TTC27: variants seen among roughly 807,000 people sequenced by gnomAD.
TTC27 encodes the protein tetratricopeptide repeat domain 27.
TTC27 carries 79 observed loss-of-function variants against 115.9 expected under a neutral mutation model. The observed-to-expected ratio is 0.68, with a 90% CI of 0.57 to 0.82. TTC27 has a LOEUF of 0.82. TTC27 is among the 40% of genes least tolerant of loss of function. The pLI is 0.00. For synonymous variants in TTC27, 401 were observed against 356.0 expected (o/e 1.13, Z -1.42); for missense variants, 1,054 against 993.1 (o/e 1.06, Z -0.82).
At chr2:32,704,679 C>T (rs2151902185) in intron 10 of TTC27, among the ~76,000 whole-genome samples, 1 of 152,192 alleles carries the variant, frequency 6.6e-6, no homozygotes, top group East Asian at 1.9e-4. Flanking sequence ...TCCTTTATTC[C>T]AGAACAATTC....
chr2:32,767,260 T>TCCG (rs1221464180), intron 13 of TTC27, among the ~76,000 whole-genome samples: 1 of 152,164 alleles, frequency 6.6e-6, no homozygotes, highest in Non-Finnish European at 1.5e-5. Flanking sequence ...TGAATAAATT[T>TCCG]ATATCCTTTA....
intron 4 of TTC27, among the ~76,000 whole-genome samples, chr2:32,648,457 TA>T (rs1320414405): frequency 4.2e-4 from 34 of 81,572 alleles, no homozygotes; most frequent in Middle Eastern, 0.013. Context: ...TTTTTTTTTT[TA>T]AAACAGACTT....
At chr2:32,697,755 G>T (rs1408109363) in intron 9 of TTC27, among the ~76,000 whole-genome samples, 2 of 150,090 alleles carry the variant, frequency 1.3e-5, no homozygotes, top group East Asian at 1.9e-4. Context: ...AGGAAAGAAA[G>T]AATTTTTTTT....
intron 12 of TTC27, among the ~76,000 whole-genome samples, chr2:32,750,813 A>G (rs919865859): frequency 7.2e-5 from 11 of 152,230 alleles, no homozygotes; most frequent in Admixed American, 2.0e-4. Flanking sequence ...TAAATTCAAC[A>G]TTTCCCTAAT....
intron 5 of TTC27, among the ~76,000 whole-genome samples, 196 bp downstream of exon 5, chr2:32,650,429 T>G (rs1350729283): frequency 6.6e-6 from 1 of 151,236 alleles, no homozygotes; most frequent in African/African-American, 2.4e-5. Context: ...CCTTTTAGTC[T>G]TTTTAGTTTA....
At chr2:32,812,990 G>A (rs997095566) in intron 18 of TTC27, among the ~76,000 whole-genome samples, 1 of 151,784 alleles carries the variant, frequency 6.6e-6, no homozygotes, top group Non-Finnish European at 1.5e-5. Context: ...AGATCTCTGG[G>A]GTACATAGCA....
chr2:32,635,190 T>C (rs936225148), intron 3 of TTC27: 1 of 152,224 alleles, frequency 6.6e-6, no homozygotes, highest in African/African-American at 2.4e-5. Context: ...CTGGCTAGTA[T>C]GAGATGATCT....
At chr2:32,736,668 T>A (rs761297170) in intron 11 of TTC27, 26 bp from the exon 12 acceptor site, 2 of 1,613,254 alleles carry the variant, frequency 1.2e-6, no homozygotes, top group African/African-American at 2.7e-5. Context: ...CAAGAAGTAT[T>A]AATTATTTTT....
chr2:32,799,514 G>C (rs936446307), intron 16 of TTC27, among the ~76,000 whole-genome samples: 6 of 152,128 alleles, frequency 3.9e-5, no homozygotes, highest in African/African-American at 1.2e-4. Flanking sequence ...CTAAATCTAT[G>C]CTAAATATTT....
rs760657207 is a variant in TTC27 at position 32,678,843 on chromosome 2, T to C, written c.1053-13T>C. On this transcript the variant is annotated splice_polypyrimidine_tract_variant and intron_variant, in intron 8 of 19. Transcript: ENST00000317907. ...ATCTTATAATTAATTTACCTTTTTTTCTTAATTTAAAGCACTAATTTTCAA... is the reference window on the plus strand; with the variant it reads ...ATCTTATAATTAATTTACCTTTTTTCCTTAATTTAAAGCACTAATTTTCAA... The C allele has an allele frequency of 6.3e-7, 1 of 1,593,520 alleles. No homozygotes were observed. The highest frequency in any genetic ancestry group is 2.2e-5 in the East Asian group (1 of 44,720).
In TTC27 at chr2:32,650,230, C is replaced by A; in HGVS notation, c.637C>A (p.Gln213Lys). Reference sequence around the variant, plus strand: ...TACTCTTGCCGAAAACTGTATTGATCAAGGTATGTAGCAGATTTTTGTTTG... The same window carrying A: ...TACTCTTGCCGAAAACTGTATTGATAAAGGTATGTAGCAGATTTTTGTTTG... ...LFTLAENCID[Q>K]VMKLQNLFVD... is the part of the protein sequence containing the mutation. Residue 213 changes from glutamine (Q) to lysine (K), a missense_variant, in exon 5 of 20, where the codon CAA becomes AAA. Transcript: ENST00000317907. 2 of 1,612,918 alleles carry A rather than the reference C, an allele frequency of 1.2e-6. No homozygotes were observed. Among genetic ancestry groups the A allele is most frequent in the Non-Finnish European group, 1.7e-6 (2 of 1,179,342 alleles).
chr2:32,711,619 G>A lies in TTC27; in HGVS notation c.1233+8699G>A, dbSNP rs142211732. ...AAAATCTGTTCCCTTCCACAGCAGTGTAAAGTGATAAAATGGTAAACTTAA... is the reference window on the plus strand; with the variant it reads ...AAAATCTGTTCCCTTCCACAGCAGTATAAAGTGATAAAATGGTAAACTTAA... On this transcript the variant is annotated intron_variant, in intron 10 of 19. Coordinates refer to ENST00000317907, the MANE Select transcript of TTC27 (RefSeq NM_017735.5). 6.4e-4 allele frequency among the ~76,000 whole-genome samples: 97 copies of A among 152,266 alleles called. 2 individuals are homozygous for A. The East Asian group carries it at 0.016, about 25-fold the overall frequency.
rs1037601736 is a variant in TTC27 at position 32,664,045 on chromosome 2, A to C, written c.641-258A>C. Among the ~76,000 whole-genome samples the C allele has an allele frequency of 2.6e-5, 4 of 152,004 alleles. No homozygotes were observed. The South Asian group carries it at 8.3e-4, about 31-fold the overall frequency. On this transcript the variant is annotated intron_variant, in intron 5 of 19. Transcript: ENST00000317907. ...CCCGCTGAGAAAGAGCAAGGTTATG[A>C]ATCATATCTCCCAGGATTGTGTGGA... is the stretch of plus-strand genomic sequence containing the variant.
intron 10 of TTC27, among the ~76,000 whole-genome samples, chr2:32,712,510 C>T (rs901875470): frequency 2.6e-5 from 4 of 152,062 alleles, no homozygotes; most frequent in East Asian, 3.8e-4. Context: ...TGTTCTCTAT[C>T]GTCATTCTGC....
At chr2:32,817,388 T>G in intron 18 of TTC27, 69 bp from the exon 19 acceptor site, 1 of 1,267,774 alleles carries the variant, frequency 7.9e-7, no homozygotes, top group Non-Finnish European at 1.1e-6. Context: ...ATTAAATAAT[T>G]GGCTTTTGTA....
intron 10 of TTC27, among the ~76,000 whole-genome samples, chr2:32,704,612 C>A (rs1186825366): frequency 6.6e-6 from 1 of 152,190 alleles, no homozygotes; most frequent in Non-Finnish European, 1.5e-5. Context: ...GTCCTCATAA[C>A]ATCCTTTGTA....
At chr2:32,702,668 C>G in intron 9 of TTC27, 139 bp from the exon 10 acceptor site, 1 of 600,884 alleles carries the variant, frequency 1.7e-6, no homozygotes, top group South Asian at 2.2e-5. Context: ...AAAAAGAGAA[C>G]TTTTTGTTAA....
chr2:32,708,301 C>CTTTTTTT (rs1159740039), intron 10 of TTC27, among the ~76,000 whole-genome samples: 1 of 80,258 alleles, frequency 1.2e-5, no homozygotes, highest in Admixed American at 1.2e-4. Context: ...TTTTCTCTAC[C>CTTTTTTT]TTGTTTTTTT....
At chr2:32,714,119 G>A (rs949585787) in intron 10 of TTC27, among the ~76,000 whole-genome samples, 4 of 150,492 alleles carry the variant, frequency 2.7e-5, no homozygotes, top group Admixed American at 6.6e-5. Flanking sequence ...TTAGGGTTGC[G>A]TAGTATTCCA....
Sources: gnomAD v4.1 joint callset for allele counts (sites outside exome capture counted in the v4.1 genomes callset) on GRCh38, gnomAD v4.1.1 for gene constraint, MANE v1.5 for transcripts, NCBI Gene and HGNC (gene_info 2026-07-23, HGNC 2026-07-21) for gene names.